Variants in RAP1GAP observed in about 807,000 individuals in gnomAD.
RAP1GAP encodes RAP1 GTPase activating protein, also known as rap1 GTPase-activating protein 1.
A neutral mutation model predicts 87.2 loss-of-function variants in RAP1GAP; 35 were observed. That is an observed-to-expected ratio of 0.40 (90% confidence interval 0.31 to 0.53). The LOEUF (loss-of-function observed/expected upper bound fraction) is 0.53, where lower values mean the gene tolerates loss of function less well. RAP1GAP is among the 20% of genes least tolerant of loss of function. RAP1GAP has a pLI of 0.48. For missense variants in RAP1GAP, 734 were observed against 898.9 expected, an observed-to-expected ratio of 0.82 and a Z score of 2.35; for synonymous variants, 375 against 363.9, an observed-to-expected ratio of 1.03 and a Z score of -0.35.
intron 1 of RAP1GAP, among the ~76,000 whole-genome samples, chr1:21,659,206 A>C (rs2096996339): frequency 6.6e-6 from 1 of 152,072 alleles, no homozygotes; most frequent in African/African-American, 2.4e-5. Flanking sequence ...TGCCCGGCCG[A>C]AGAACGCTTT....
In RAP1GAP at chr1:21,609,659, G is replaced by A. The variant is rs1306671857; in HGVS notation, c.1000-13C>T. 6.4e-7 allele frequency: 1 copy of A among 1,556,676 alleles called. No homozygotes were observed. Among genetic ancestry groups the A allele is most frequent in the Non-Finnish European group, 8.7e-7 (1 of 1,151,232 alleles). On this transcript the variant is annotated splice_polypyrimidine_tract_variant and intron_variant, in intron 14 of 24. Transcript: ENST00000374765. The surrounding 1 kb of genome is among the most constrained non-coding windows in gnomAD (Gnocchi z 4.4). ...CAGTGACAGAGACCTGGAAGGGAGG[G>A]CAGCTGTCTGTTCCTGTGGAGCCTG...
chr1:21,629,112 G>T (rs1311293683), intron 2 of RAP1GAP, among the ~76,000 whole-genome samples: 1 of 152,226 alleles, frequency 6.6e-6, no homozygotes, highest in African/African-American at 2.4e-5. Context: ...ACTTCCCCTA[G>T]CGAATGGGGG....
At chr1:21,643,798 G>T (rs1368187399) in intron 2 of RAP1GAP, among the ~76,000 whole-genome samples, 1 of 152,186 alleles carries the variant, frequency 6.6e-6, no homozygotes, top group Non-Finnish European at 1.5e-5. Context: ...ACAATCTGGG[G>T]TTCAGAGAGG....
intron 22 of RAP1GAP, 93 bp from the exon 23 acceptor site, chr1:21,598,157 C>G (rs761924935): frequency 1.4e-4 from 119 of 840,064 alleles, no homozygotes; most frequent in Non-Finnish European, 2.1e-4. Flanking sequence ...CCAGTGCGCT[C>G]CAACCCCACC....
chr1:21,662,123 G>A (rs528515292), intron 1 of RAP1GAP, among the ~76,000 whole-genome samples: 92 of 152,294 alleles, frequency 6.0e-4, no homozygotes, highest in African/African-American at 2.1e-3. Flanking sequence ...CCAGAGCCAC[G>A]TCACACAGGT....
In RAP1GAP at chr1:21,597,733, A is replaced by T. The variant is rs755215946; in HGVS notation, c.1984-5T>A. 2 of 1,613,472 alleles carry T rather than the reference A, an allele frequency of 1.2e-6. No homozygotes were observed. Among genetic ancestry groups the T allele is most frequent in the African/African-American group, 2.7e-5 (2 of 74,916 alleles). ...GGGGTGGCCCGGCTAACAGCCCTGC[A>T]GACAGACAGTGGTGGTGAGGCAGGT... On this transcript the variant is annotated splice_region_variant and splice_polypyrimidine_tract_variant and intron_variant, in intron 23 of 24. Transcript: ENST00000374765.
chr1:21,652,354 G>A (rs1229563083), intron 1 of RAP1GAP, among the ~76,000 whole-genome samples: 2 of 152,216 alleles, frequency 1.3e-5, no homozygotes. Context: ...GACGAAATGA[G>A]TTCACGCACG....
chr1:21,641,968 GC>G (rs2095563981), intron 2 of RAP1GAP, among the ~76,000 whole-genome samples: 1 of 152,188 alleles, frequency 6.6e-6, no homozygotes, highest in South Asian at 2.1e-4. Flanking sequence ...TGTTACACCG[GC>G]CGGCCCTTTA....
chr1:21,649,656 C>G, intron 2 of RAP1GAP, 105 bp downstream of exon 2: 1 of 1,334,114 alleles, frequency 7.5e-7, no homozygotes, highest in Non-Finnish European at 1.0e-6. Context: ...TGGTTGGAAG[C>G]TTGGTAAGGT....
chr1:21,620,000 C>G lies in RAP1GAP; in HGVS notation c.18+15G>C. 6.2e-7 allele frequency: 1 copy of G among 1,613,836 alleles called. No individual in the cohort carries two copies. The highest frequency in any genetic ancestry group is 8.5e-7 in the Non-Finnish European group (1 of 1,179,842). On this transcript the variant is annotated intron_variant, in intron 4 of 24. Transcript: ENST00000374765. ...CTCTGTGGCTCCCCAGAACAGGCCA[C>G]AGAGCCATCCTCACCTGCATCTTCT...
rs1054309292 is a variant in RAP1GAP, at chr1:21,613,440, G to T, written c.474+188C>A. 6.6e-6 allele frequency among the ~76,000 whole-genome samples: 1 copy of T among 152,180 alleles called. No homozygotes were observed. The highest frequency in any genetic ancestry group is 2.4e-5 in the African/African-American group (1 of 41,444). ...GAAAACCAAAAGCACACAGGCAGGGGACGGGGGCCTAGGAGAACACGTGGC... is the reference window on the plus strand; with the variant it reads ...GAAAACCAAAAGCACACAGGCAGGGTACGGGGGCCTAGGAGAACACGTGGC... On this transcript the variant is annotated intron_variant, in intron 9 of 24. Coordinates refer to ENST00000374765, the MANE Select transcript of RAP1GAP (RefSeq NM_002885.4). This position sits in a 1 kb window ranked among gnomAD's most constrained non-coding sequence, Gnocchi z 4.7.
chr1:21,649,669 G>T lies in RAP1GAP; in HGVS notation c.-113+92C>A, dbSNP rs372936610. 30 of 1,403,306 alleles carry T rather than the reference G, an allele frequency of 2.1e-5. No individual in the cohort carries two copies. The East Asian group carries it at 3.7e-4, about 17-fold the overall frequency. The allele number at this position is 1,403,306 out of a possible 1,614,324, so 86.9% of individuals were successfully genotyped here. A position where few individuals can be genotyped will look rare whatever the true frequency, so the allele number is the denominator to read the frequency against. ...GATGGTTGGAAGCTTGGTAAGGTCT[G>T]GCCTGGCATCGCAGGGGTAGGAATG... On this transcript the variant is annotated intron_variant, in intron 2 of 24. Coordinates refer to ENST00000374765, the MANE Select transcript of RAP1GAP (RefSeq NM_002885.4).
At position 21,612,172 on chromosome 1, in the gene RAP1GAP, C is replaced by T; in HGVS notation, c.529-63G>A. On this transcript the variant is annotated intron_variant, in intron 10 of 24. Transcript: ENST00000374765. ...CAAGCTGCCATTCGACGTGCTCTTC[C>T]CCCGTGCCAAGCACTGAGCCAGGCG... 4.5e-6 allele frequency: 6 copies of T among 1,336,970 alleles called. No individual in the cohort carries two copies. The South Asian group carries it at 7.6e-5, about 17-fold the overall frequency. 82.8% of individuals were successfully genotyped at this position (1,336,970 alleles called of 1,614,324 possible).
At position 21,610,235 on chromosome 1, in the gene RAP1GAP, A is replaced by G. The variant is rs1016851617; in HGVS notation, c.884T>C (p.Val295Ala). 1 of 1,614,030 alleles carries G rather than the reference A, an allele frequency of 6.2e-7. No individual in the cohort carries two copies. The highest frequency in any genetic ancestry group is 1.3e-5 in the African/African-American group (1 of 74,940). The change falls in exon 14 of 25, where the codon GTG becomes GCG. Residue 295 changes from valine to alanine, a missense_variant. Val to Ala is a moderately conservative substitution (Grantham distance 64, BLOSUM62 0). This residue lies in a region of RAP1GAP where 485 missense variants were observed against 646.2 expected (regional missense o/e 0.75). Coordinates refer to ENST00000374765, the MANE Select transcript of RAP1GAP (RefSeq NM_002885.4). ...AGGAGTGTTCTCATCCTGGAAGACC[A>G]CAGCCACGATGTCGTTCCCGATGTG... ...KRHIGNDIVA[V>A]VFQDENTPFV...
intron 1 of RAP1GAP, 76 bp from the exon 2 acceptor site, chr1:21,649,872 C>T: frequency 7.1e-7 from 1 of 1,409,464 alleles, no homozygotes; most frequent in African/African-American, 1.4e-5. Context: ...TCACACCCAC[C>T]TGCACTGCAC....
chr1:21,668,012 C>T lies in RAP1GAP; in HGVS notation c.-149+1242G>A, dbSNP rs1442005783. Among the ~76,000 whole-genome samples the T allele has an allele frequency of 2.6e-5, 4 of 152,188 alleles. No individual in the cohort carries two copies. The highest frequency in any genetic ancestry group is 1.9e-4 in the East Asian group (1 of 5,188). Reference sequence around the variant, plus strand: ...CCAGCTGGACCTGATCACTGCCTCCCCACTCAGCCACAGCCCTCAGGGCCC... The same window carrying T: ...CCAGCTGGACCTGATCACTGCCTCCTCACTCAGCCACAGCCCTCAGGGCCC... On this transcript the variant is annotated intron_variant, in intron 1 of 24. Transcript: ENST00000374765. This position sits in a 1 kb window ranked among gnomAD's most constrained non-coding sequence, Gnocchi z 6.2.
intron 2 of RAP1GAP, among the ~76,000 whole-genome samples, chr1:21,646,091 C>A (rs2096030079): frequency 6.6e-6 from 1 of 152,132 alleles, no homozygotes; most frequent in Non-Finnish European, 1.5e-5. Context: ...TAGTAAGGGA[C>A]AAACAGTCAT....
intron 2 of RAP1GAP, chr1:21,627,046 C>G (rs1333642002): frequency 8.8e-6 from 4 of 454,936 alleles, no homozygotes; most frequent in African/African-American, 2.0e-5. Context: ...CTGCCCACAC[C>G]ACACCCTTCC....
At position 21,668,310 on chromosome 1, in the gene RAP1GAP, G is replaced by A. The variant is rs2097444438; in HGVS notation, c.-149+944C>T. On this transcript the variant is annotated intron_variant, in intron 1 of 24. Transcript: ENST00000374765. This position sits in a 1 kb window ranked among gnomAD's most constrained non-coding sequence, Gnocchi z 6.2. ...CTGCCTCAGTGCCCCTTCCCTCAGT[G>A]TCCTTCCTGCCTGCCGCCCCAGGGG... 6.6e-6 allele frequency among the ~76,000 whole-genome samples: 1 copy of A among 152,100 alleles called. No homozygotes were observed. The highest frequency in any genetic ancestry group is 6.5e-5 in the Admixed American group (1 of 15,274).
Sources: gnomAD v4.1 joint callset for allele counts (sites outside exome capture counted in the v4.1 genomes callset) on GRCh38, gnomAD v4.1.1 for gene constraint, gnomAD v4.1.1 regional missense constraint, Gnocchi (gnomAD v3.1) non-coding constraint, MANE v1.5 for transcripts, NCBI Gene and HGNC (gene_info 2026-07-23, HGNC 2026-07-21) for gene names.